CEMIP: variants seen among roughly 807,000 people sequenced by gnomAD.
CEMIP encodes cell migration inducing hyaluronidase 1, also known as cell migration-inducing and hyaluronan-binding protein.
A neutral mutation model predicts 156.9 loss-of-function variants in CEMIP; 105 were observed. That is an observed-to-expected ratio of 0.67 (90% CI 0.57 to 0.79). The LOEUF (loss-of-function observed/expected upper bound fraction) is 0.79, where lower values mean the gene tolerates loss of function less well. Among genes scored for constraint, CEMIP ranks in the 30% least tolerant of loss-of-function variants. The pLI, the probability that CEMIP is intolerant of heterozygous loss-of-function variation, is 0.00. For missense variants in CEMIP, 1,457 were observed against 1,769.4 expected, an observed-to-expected ratio of 0.82 and a Z score of 3.17; for synonymous variants, 676 against 668.4, an observed-to-expected ratio of 1.01 and a Z score of -0.17.
At chr15:80,890,572 G>A (rs1453579196) in intron 10 of CEMIP, among the ~76,000 whole-genome samples, 1 of 143,044 alleles carries the variant, frequency 7.0e-6, no homozygotes, top group Admixed American at 7.0e-5. Context: ...GGGTGACCGA[G>A]CAAGACTCTG....
At position 80,942,049 on chromosome 15, in the gene CEMIP, A is replaced by G. The variant is rs772757080; in HGVS notation, c.3608A>G (p.Gln1203Arg). The G allele has an allele frequency of 6.2e-7, 1 of 1,612,712 alleles. No individual in the cohort carries two copies. The highest frequency in any genetic ancestry group is 2.2e-5 in the East Asian group (1 of 44,792). ...ATGCCCAAGAAGCTCTTTGGTTCTCAGCTGGTGAGTGGCTGAGAGCAAAGC... is the reference window on the plus strand; with the variant it reads ...ATGCCCAAGAAGCTCTTTGGTTCTCGGCTGGTGAGTGGCTGAGAGCAAAGC... ...VPMPKKLFGS[Q>R]LKTKDHFLEV... The change falls in exon 26 of 30, where the codon CAG (glutamine) becomes CGG (arginine). Residue 1203 changes from glutamine (Q) to arginine (R), a missense_variant. Physicochemically the swap from Gln to Arg is conservative, Grantham distance 43 (BLOSUM62 1). Around this residue, in one of 5 missense-constraint regions of CEMIP, gnomAD observed 798 missense variants for 980.1 expected, o/e 0.81. Coordinates refer to ENST00000394685, the MANE Select transcript of CEMIP (RefSeq NM_001293298.2).
At chr15:80,854,339 GC>G (rs1469568555) in intron 1 of CEMIP, among the ~76,000 whole-genome samples, 1 of 152,220 alleles carries the variant, frequency 6.6e-6, no homozygotes, top group Non-Finnish European at 1.5e-5. Flanking sequence ...ACTTCTCCTG[GC>G]TATAAACCAA....
At chr15:80,905,496 C>T (rs1899760281) in intron 12 of CEMIP, among the ~76,000 whole-genome samples, 1 of 152,124 alleles carries the variant, frequency 6.6e-6, no homozygotes, top group Admixed American at 6.5e-5. Flanking sequence ...TCTTGAGATG[C>T]ATTTTCTGCA....
intron 12 of CEMIP, among the ~76,000 whole-genome samples, chr15:80,902,257 G>C (rs549638706): frequency 2.2e-4 from 34 of 152,340 alleles, no homozygotes; most frequent in African/African-American, 6.5e-4. Flanking sequence ...GCCCTGTGTA[G>C]GGCAACTGTG....
chr15:80,931,650 A>G (rs1900915565), intron 21 of CEMIP, among the ~76,000 whole-genome samples: 1 of 152,190 alleles, frequency 6.6e-6, no homozygotes, highest in African/African-American at 2.4e-5. Flanking sequence ...CATGCTTTAA[A>G]TTAATTAATG....
intron 1 of CEMIP, among the ~76,000 whole-genome samples, chr15:80,870,327 A>G (rs961383831): frequency 3.2e-4 from 48 of 152,074 alleles, no homozygotes; most frequent in African/African-American, 1.1e-3. Flanking sequence ...CCTGCCTTAC[A>G]GCTTAAACTG....
chr15:80,905,374 C>T (rs1398302997), intron 12 of CEMIP, among the ~76,000 whole-genome samples: 1 of 152,196 alleles, frequency 6.6e-6, no homozygotes, highest in African/African-American at 2.4e-5. Context: ...ATTTAGAGCC[C>T]GCCTAAGATC....
intron 1 of CEMIP, among the ~76,000 whole-genome samples, chr15:80,848,519 A>G (rs1044025028): frequency 6.6e-6 from 1 of 152,192 alleles, no homozygotes. Flanking sequence ...TCTTGAACTC[A>G]TGCAGTGGCT....
At chr15:80,895,304 C>T (rs532368605) in intron 11 of CEMIP, among the ~76,000 whole-genome samples, 182 bp downstream of exon 11, 1 of 152,264 alleles carries the variant, frequency 6.6e-6, no homozygotes, top group African/African-American at 2.4e-5. Flanking sequence ...CCCACCCTGC[C>T]CATAAGCCTT....
intron 1 of CEMIP, among the ~76,000 whole-genome samples, chr15:80,795,196 A>C (rs1896187464): frequency 6.6e-6 from 1 of 152,126 alleles, no homozygotes; most frequent in Non-Finnish European, 1.5e-5. Flanking sequence ...TCCTGAAAGC[A>C]ATGGGAAGAC....
intron 12 of CEMIP, among the ~76,000 whole-genome samples, chr15:80,900,644 G>GTC (rs1899473847): frequency 3.2e-5 from 4 of 124,492 alleles, no homozygotes; most frequent in African/African-American, 5.9e-5. Context: ...GTGTGTGTGT[G>GTC]TGTGTCTGTG....
intron 1 of CEMIP, among the ~76,000 whole-genome samples, chr15:80,780,798 C>A (rs890424588): frequency 6.6e-6 from 1 of 152,148 alleles, no homozygotes; most frequent in African/African-American, 2.4e-5. Context: ...CAGCTCCCAG[C>A]CACTTCCTCC....
chr15:80,805,957 G>C (rs1379792620), intron 1 of CEMIP, among the ~76,000 whole-genome samples: 1 of 152,042 alleles, frequency 6.6e-6, no homozygotes, highest in Non-Finnish European at 1.5e-5. Context: ...TTATTAAGCT[G>C]GTTGCTTTAA....
chr15:80,900,537 T>A (rs1391347390), intron 12 of CEMIP, among the ~76,000 whole-genome samples: 1 of 145,564 alleles, frequency 6.9e-6, no homozygotes, highest in East Asian at 2.1e-4. Context: ...GAGGCCCCCA[T>A]GAAAACAGCA....
intron 1 of CEMIP, among the ~76,000 whole-genome samples, chr15:80,838,269 C>T (rs1229611512): frequency 6.6e-6 from 1 of 152,166 alleles, no homozygotes; most frequent in Non-Finnish European, 1.5e-5. Context: ...CAGGTGAGCC[C>T]AGCCTGTCAG....
At chr15:80,791,989 C>T (rs984888157) in intron 1 of CEMIP, among the ~76,000 whole-genome samples, 8 of 152,180 alleles carry the variant, frequency 5.3e-5, no homozygotes, top group South Asian at 2.1e-4. Context: ...GGTGACCTTC[C>T]GTAGTCCTCA....
chr15:80,881,198 T>C, intron 6 of CEMIP, 62 bp downstream of exon 6: 1 of 1,460,594 alleles, frequency 6.8e-7, no homozygotes, highest in Admixed American at 1.7e-5. Context: ...TTGAGTGTGC[T>C]CCCTGGCCAG....
At chr15:80,862,812 G>A (rs150120221) in intron 1 of CEMIP, among the ~76,000 whole-genome samples, 248 of 152,348 alleles carry the variant, frequency 1.6e-3, no homozygotes, top group Admixed American at 4.1e-3. Context: ...GTAGGCACCC[G>A]TGGGGAGTCC....
intron 1 of CEMIP, among the ~76,000 whole-genome samples, chr15:80,838,847 C>T (rs891909951): frequency 6.6e-6 from 1 of 152,234 alleles, no homozygotes; most frequent in Non-Finnish European, 1.5e-5. Context: ...TTCAGTGACT[C>T]AGCTAGGACG....
Sources: allele counts gnomAD v4.1 joint callset (sites outside exome capture counted in the v4.1 genomes callset), GRCh38; gene constraint gnomAD v4.1.1; regional missense constraint gnomAD v4.1.1; transcripts MANE v1.5; gene names NCBI Gene and HGNC (gene_info 2026-07-23, HGNC 2026-07-21).